Variants in CACNA2D3 observed in about 807,000 individuals in gnomAD.
CACNA2D3 encodes the protein voltage-dependent calcium channel subunit alpha-2/delta-3.
CACNA2D3 carries 60 observed loss-of-function variants against 160.6 expected under a neutral mutation model. The ratio of observed to expected loss-of-function variants is 0.37; its 90% CI spans 0.30 to 0.46. The LOEUF (loss-of-function observed/expected upper bound fraction) is 0.46, where lower values mean the gene tolerates loss of function less well. Ranked by LOEUF, CACNA2D3 falls within the 20% of genes least tolerant of loss-of-function variation. The pLI is 1.00. For synonymous variants in CACNA2D3, 558 were observed against 492.9 expected (o/e 1.13, Z -1.75); for missense variants, 1,205 against 1,365.0 (o/e 0.88, Z 1.85).
chr3:54,908,636 G>A (rs893015948), intron 27 of CACNA2D3, among the ~76,000 whole-genome samples: 1 of 152,228 alleles, frequency 6.6e-6, no homozygotes, highest in Non-Finnish European at 1.5e-5. Context: ...AGGATAGCTT[G>A]AGCCAGGAAG....
intron 2 of CACNA2D3, among the ~76,000 whole-genome samples, chr3:54,149,437 G>A (rs557081332): frequency 1.3e-4 from 20 of 152,292 alleles, no homozygotes; most frequent in African/African-American, 4.6e-4. Flanking sequence ...GCCCACACAA[G>A]TCCAAGAAGC....
At chr3:54,879,510 C>G (rs1321615984) in intron 20 of CACNA2D3, 99 bp downstream of exon 20, 6 of 874,058 alleles carry the variant, frequency 6.9e-6, no homozygotes, top group Non-Finnish European at 9.0e-6. Context: ...TGAAGATAAC[C>G]AAACACCCTG....
At chr3:54,263,122 T>C (rs997606523) in intron 2 of CACNA2D3, among the ~76,000 whole-genome samples, 2 of 152,238 alleles carry the variant, frequency 1.3e-5, no homozygotes, top group African/African-American at 4.8e-5. Context: ...ATGAAGCACA[T>C]GCTATGCATC....
intron 27 of CACNA2D3, chr3:54,918,712 T>G (rs768671117): frequency 6.2e-7 from 1 of 1,614,038 alleles, no homozygotes; most frequent in African/African-American, 1.3e-5. Context: ...CTCCCCCGCG[T>G]TGTGGTTCTC....
intron 27 of CACNA2D3, among the ~76,000 whole-genome samples, chr3:54,920,635 G>C (rs1329376186): frequency 1.3e-5 from 2 of 152,132 alleles, no homozygotes; most frequent in African/African-American, 4.8e-5. Context: ...CTGACCATAG[G>C]AGCCTCTGCC....
At chr3:54,429,609 G>T (rs564626739) in intron 4 of CACNA2D3, among the ~76,000 whole-genome samples, 2 of 152,116 alleles carry the variant, frequency 1.3e-5, no homozygotes, top group African/African-American at 4.8e-5. Context: ...AAGACTGGTA[G>T]ATTTCCTAGG....
intron 2 of CACNA2D3, among the ~76,000 whole-genome samples, chr3:54,295,851 A>T (rs191772364): frequency 6.6e-6 from 1 of 152,330 alleles, no homozygotes; most frequent in East Asian, 1.9e-4. Context: ...ATAGAATGGG[A>T]GGCAGGTTTG....
At chr3:54,716,906 C>T (rs945654797) in intron 11 of CACNA2D3, among the ~76,000 whole-genome samples, 1 of 107,086 alleles carries the variant, frequency 9.3e-6, no homozygotes, top group Admixed American at 9.9e-5. Flanking sequence ...ACTTGTGTGG[C>T]ACTTTTTTTT....
At chr3:54,565,872 G>T (rs1702401779) in intron 6 of CACNA2D3, among the ~76,000 whole-genome samples, 1 of 152,132 alleles carries the variant, frequency 6.6e-6, no homozygotes, top group Non-Finnish European at 1.5e-5. Flanking sequence ...CTGAAATCCT[G>T]AACCATCAGG....
At chr3:54,964,273 G>T (rs1333255254) in intron 27 of CACNA2D3, among the ~76,000 whole-genome samples, 1 of 152,176 alleles carries the variant, frequency 6.6e-6, no homozygotes, top group Non-Finnish European at 1.5e-5. Flanking sequence ...CTCTATCCAT[G>T]TGATGAAGAT....
intron 3 of CACNA2D3, chr3:54,386,024 CTAAT>C (rs1230400807): frequency 4.1e-6 from 2 of 485,890 alleles, no homozygotes; most frequent in South Asian, 3.0e-5. Flanking sequence ...TGATTGTTGA[CTAAT>C]TATCTAAATG....
At chr3:54,713,384 A>T (rs556050012) in intron 11 of CACNA2D3, among the ~76,000 whole-genome samples, 1 of 152,346 alleles carries the variant, frequency 6.6e-6, no homozygotes, top group East Asian at 1.9e-4. Flanking sequence ...AGAATGAAAT[A>T]AACTGGGGAA....
At chr3:54,642,609 G>A (rs935472339) in intron 11 of CACNA2D3, among the ~76,000 whole-genome samples, 4 of 152,078 alleles carry the variant, frequency 2.6e-5, no homozygotes, top group Non-Finnish European at 4.4e-5. Flanking sequence ...TAGCCCTGCA[G>A]GCCTCTCCTT....
chr3:54,706,792 C>A (rs890174743), intron 11 of CACNA2D3, among the ~76,000 whole-genome samples: 1 of 152,216 alleles, frequency 6.6e-6, no homozygotes, highest in Admixed American at 6.5e-5. Context: ...TTTGCACTGA[C>A]TGTGCCAGAA....
At chr3:54,536,981 G>A (rs1435219807) in intron 5 of CACNA2D3, among the ~76,000 whole-genome samples, 3 of 152,110 alleles carry the variant, frequency 2.0e-5, no homozygotes, top group Non-Finnish European at 2.9e-5. Context: ...AGACTGTTGC[G>A]CATGAATAAA....
intron 31 of CACNA2D3, among the ~76,000 whole-genome samples, chr3:54,999,393 G>T (rs1702931779): frequency 6.6e-6 from 1 of 152,108 alleles, no homozygotes; most frequent in African/African-American, 2.4e-5. Context: ...GTTGAAAGCT[G>T]CCCCCAGAGG....
intron 11 of CACNA2D3, among the ~76,000 whole-genome samples, chr3:54,681,380 T>TAA (rs1700346525): frequency 7.4e-4 from 3 of 4,036 alleles, no homozygotes; most frequent in African/African-American, 3.0e-3. Flanking sequence ...CTACTAAAAA[T>TAA]ACAAAAAAAA....
chr3:54,299,088 G>C (rs55719230), intron 2 of CACNA2D3, among the ~76,000 whole-genome samples: 16,333 of 151,648 alleles, frequency 0.11, 981 homozygotes, highest in South Asian at 0.13. Flanking sequence ...TCTGCAGTCT[G>C]TAAGTTTTAA....
intron 5 of CACNA2D3, among the ~76,000 whole-genome samples, chr3:54,542,213 C>T (rs1701992435): frequency 6.6e-6 from 1 of 151,946 alleles, no homozygotes; most frequent in South Asian, 2.1e-4. Flanking sequence ...AGGCACGTAC[C>T]ACCACGCCCA....
Sources: allele counts gnomAD v4.1 joint callset (sites outside exome capture counted in the v4.1 genomes callset), GRCh38; gene constraint gnomAD v4.1.1; transcripts MANE v1.5; gene names NCBI Gene and HGNC (gene_info 2026-07-23, HGNC 2026-07-21).